The following CACNG8 variants were observed in gnomAD, a reference collection of about 807,000 sequenced individuals.
The protein encoded by CACNG8 is voltage-dependent calcium channel gamma-8 subunit.
Under a neutral mutation model 26.9 loss-of-function variants are expected in CACNG8, and 5 were observed. The observed-to-expected ratio is 0.19, with a 90% CI of 0.10 to 0.39. The LOEUF is 0.39. Ranked by LOEUF, CACNG8 falls within the 10% of genes least tolerant of loss-of-function variation. The pLI is 1.00. For missense variants in CACNG8, 473 were observed against 609.4 expected, an observed-to-expected ratio of 0.78 and a Z score of 2.36; for synonymous variants, 321 against 296.7, an observed-to-expected ratio of 1.08 and a Z score of -0.84.
intron 1 of CACNG8, among the ~76,000 whole-genome samples, chr19:53,968,477 G>A (rs1441192273): frequency 6.6e-6 from 1 of 151,686 alleles, no homozygotes; most frequent in Admixed American, 6.6e-5. Context: ...CTATTAAAAT[G>A]TGAGGGAGAT....
intron 1 of CACNG8, among the ~76,000 whole-genome samples, chr19:53,977,012 A>G (rs2069333842): frequency 6.6e-6 from 1 of 152,170 alleles, no homozygotes; most frequent in South Asian, 2.1e-4. Flanking sequence ...TGCCAGGCCT[A>G]CTGCCAAGAA....
At chr19:53,968,172 C>T (rs1192905970) in intron 1 of CACNG8, among the ~76,000 whole-genome samples, 1 of 151,864 alleles carries the variant, frequency 6.6e-6, no homozygotes, top group Admixed American at 6.6e-5. Flanking sequence ...CCCAGGAGTT[C>T]GAGACCAGCC....
At chr19:53,978,421 G>GC (rs1035550439) in intron 2 of CACNG8, among the ~76,000 whole-genome samples, 192 bp downstream of exon 2, 50 of 152,184 alleles carry the variant, frequency 3.3e-4, no homozygotes, top group Non-Finnish European at 6.3e-4. Context: ...TCTCGTTCCC[G>GC]CCCCCTCCTC....
In CACNG8 at chr19:53,982,539, CG is replaced by C; in HGVS notation, c.973del (p.Ala325ProfsTer135). 1 of 1,230,192 alleles carries C rather than the reference CG, an allele frequency of 8.1e-7. No homozygotes were observed. The highest frequency in any genetic ancestry group is 3.6e-5 in the South Asian group (1 of 28,014). 76.2% of individuals were successfully genotyped at this position (1,230,192 alleles called of 1,614,324 possible). A position where few individuals can be genotyped will look rare whatever the true frequency, so the allele number is the denominator to read the frequency against. On this transcript the variant is annotated frameshift_variant, in exon 4 of 4. Coordinates refer to ENST00000270458, the MANE Select transcript of CACNG8 (RefSeq NM_031895.6). LOFTEE classifies it high-confidence loss of function. The surrounding 1 kb of genome is among the most constrained non-coding windows in gnomAD (Gnocchi z 8.4). The stretch of plus-strand genomic sequence containing the variant: ...AAGGGCAGCGTGGCCGCGGGGCTGG[CG>C]GGGGCCGGCGGCGGCGGCGGCGGCG...
intron 1 of CACNG8, among the ~76,000 whole-genome samples, chr19:53,976,101 T>C (rs1385505851): frequency 6.6e-6 from 1 of 152,196 alleles, no homozygotes; most frequent in Non-Finnish European, 1.5e-5. Context: ...TCCCAGCACT[T>C]TTGGAGGCTG....
chr19:53,972,935 T>C (rs1165225655), intron 1 of CACNG8, among the ~76,000 whole-genome samples: 1 of 152,060 alleles, frequency 6.6e-6, no homozygotes. Flanking sequence ...TCACCCCCAA[T>C]AGGGCTTTGG....
rs558182841 is a variant in CACNG8, at chr19:53,985,322, C to T, written c.*2473C>T. The T allele has an allele frequency of 2.2e-5, 1 of 45,636 alleles. No individual in the cohort carries two copies. Among genetic ancestry groups the T allele is most frequent in the South Asian group, 7.7e-4 (1 of 1,292 alleles). 2.8% of individuals were successfully genotyped at this position (45,636 alleles called of 1,614,324 possible). Reference sequence around the variant, plus strand: ...TGCCAGGGGCTCTGCGTGCCCTTCTCTTGACGGAAGGGTACAGATCAGAGC... The same window carrying T: ...TGCCAGGGGCTCTGCGTGCCCTTCTTTTGACGGAAGGGTACAGATCAGAGC... On this transcript the variant is annotated 3_prime_UTR_variant, in exon 4 of 4. Transcript: ENST00000270458.
At chr19:53,978,707 T>C (rs2069345182) in intron 2 of CACNG8, among the ~76,000 whole-genome samples, 1 of 136,186 alleles carries the variant, frequency 7.3e-6, no homozygotes, top group South Asian at 2.4e-4. Context: ...AATCGCAAAA[T>C]CTAGTTGCCT....
chr19:53,982,729 G>GCCGCCCGCC lies in CACNG8; in HGVS notation c.1167_1175dup (p.Pro391_Pro393dup), dbSNP rs985530472. The stretch of plus-strand genomic sequence containing the variant: ...GCGGCGTCACGGTCACGGTCACCGG[G>GCCGCCCGCC]CCGCCCGCCCCGCCCGCGCCCGCGC... On this transcript the variant is annotated inframe_insertion, in exon 4 of 4. Transcript: ENST00000270458. This position sits in a 1 kb window ranked among gnomAD's most constrained non-coding sequence, Gnocchi z 8.4. 1.7e-6 allele frequency: 2 copies of GCCGCCCGCC among 1,182,882 alleles called. No individual in the cohort carries two copies. The highest frequency in any genetic ancestry group is 8.0e-5 in the South Asian group (2 of 24,878). The allele number at this position is 1,182,882 out of a possible 1,614,324, so 73.3% of individuals were successfully genotyped here. A position where few individuals can be genotyped will look rare whatever the true frequency, so the allele number is the denominator to read the frequency against.
chr19:53,967,832 G>A (rs1220559626), intron 1 of CACNG8, among the ~76,000 whole-genome samples: 1 of 150,798 alleles, frequency 6.6e-6, no homozygotes, highest in East Asian at 1.9e-4. Flanking sequence ...GAGACTCTAA[G>A]AAAAAAAAAC....
At chr19:53,972,383 CAG>C (rs2069307995) in intron 1 of CACNG8, among the ~76,000 whole-genome samples, 1 of 97,486 alleles carries the variant, frequency 1.0e-5, no homozygotes, top group South Asian at 3.6e-4. Context: ...TTTTTTGAGA[CAG>C]AGTTTCACTC....
Position 53,963,045 on chromosome 19 carries a change from C to T in CACNG8, c.-98C>T, listed in dbSNP as rs1194877660. The T allele has an allele frequency of 1.8e-6, 1 of 549,474 alleles. No homozygotes were observed. The highest frequency in any genetic ancestry group is 2.7e-6 in the Non-Finnish European group (1 of 368,526). 34.0% of individuals were successfully genotyped at this position (549,474 alleles called of 1,614,324 possible). ...AGCCCCGCCGGCCCCGGGCCCCCCG[C>T]TTCTGCCTGCGCTGTGAACCCCCCC... On this transcript the variant is annotated 5_prime_UTR_variant, in exon 1 of 4. Coordinates refer to ENST00000270458, the MANE Select transcript of CACNG8 (RefSeq NM_031895.6).
chr19:53,980,087 C>CGA (rs2069356399), intron 3 of CACNG8, 80 bp downstream of exon 3: 1 of 1,102,222 alleles, frequency 9.1e-7, no homozygotes, highest in South Asian at 2.1e-5. Context: ...TGTGTGTGTG[C>CGA]GCGCGCGCGC....
intron 2 of CACNG8, among the ~76,000 whole-genome samples, chr19:53,979,624 G>C (rs1442521789): frequency 2.0e-5 from 3 of 152,078 alleles, no homozygotes; most frequent in Admixed American, 6.6e-5. Context: ...GAGAAAAATA[G>C]TCCGAAGAAA....
At chr19:53,963,545 G>C (rs1431038446) in intron 1 of CACNG8, 120 bp downstream of exon 1, 7 of 1,034,524 alleles carry the variant, frequency 6.8e-6, no homozygotes, top group Middle Eastern at 6.3e-4. Flanking sequence ...TCCTCTGCCA[G>C]AGGGGCTTCT....
chr19:53,963,070 C>A lies in CACNG8; in HGVS notation c.-73C>A, dbSNP rs563715340. 25 of 997,854 alleles carry A rather than the reference C, an allele frequency of 2.5e-5. No individual in the cohort carries two copies. The highest frequency in any genetic ancestry group is 7.2e-5 in the South Asian group (3 of 41,892). The allele number at this position is 997,854 out of a possible 1,614,324, so 61.8% of individuals were successfully genotyped here. ...CTTCTGCCTGCGCTGTGAACCCCCC[C>A]CCAGCCGCCGGCACGGCCCCGCCCC... is the stretch of plus-strand genomic sequence containing the variant. On this transcript the variant is annotated 5_prime_UTR_variant, in exon 1 of 4. Coordinates refer to ENST00000270458, the MANE Select transcript of CACNG8 (RefSeq NM_031895.6).
In CACNG8 at chr19:53,982,918, G is replaced by T; in HGVS notation, c.*69G>T. ...CGGGCGCGCGTGCATCGAGGCTGCC[G>T]GGGTCGGGGGCGCCCCCGCTTTCCC... is the stretch of plus-strand genomic sequence containing the variant. On this transcript the variant is annotated 3_prime_UTR_variant, in exon 4 of 4. Coordinates refer to ENST00000270458, the MANE Select transcript of CACNG8 (RefSeq NM_031895.6). This position sits in a 1 kb window ranked among gnomAD's most constrained non-coding sequence, Gnocchi z 8.4. 9.2e-7 allele frequency: 1 copy of T among 1,085,106 alleles called. No individual in the cohort carries two copies. The allele number at this position is 1,085,106 out of a possible 1,614,324, so 67.2% of individuals were successfully genotyped here. A position where few individuals can be genotyped will look rare whatever the true frequency, so the allele number is the denominator to read the frequency against.
rs1293329051 is a variant in CACNG8, at chr19:53,984,557, G to A, written c.*1708G>A. On this transcript the variant is annotated 3_prime_UTR_variant, in exon 4 of 4. Transcript: ENST00000270458. Reference sequence around the variant, plus strand: ...GGTGAAAACGGGAGGAAGTGAACGAGCATGATGTATTGGGGTCAGTGCTAA... The same window carrying A: ...GGTGAAAACGGGAGGAAGTGAACGAACATGATGTATTGGGGTCAGTGCTAA... The A allele has an allele frequency of 6.6e-6, 1 of 152,388 alleles. No homozygotes were observed. Among genetic ancestry groups the A allele is most frequent in the African/African-American group, 2.4e-5 (1 of 41,444 alleles). 9.4% of individuals were successfully genotyped at this position (152,388 alleles called of 1,614,324 possible). A position where few individuals can be genotyped will look rare whatever the true frequency, so the allele number is the denominator to read the frequency against.
chr19:53,968,242 G>T (rs994716199), intron 1 of CACNG8, among the ~76,000 whole-genome samples: 1 of 151,928 alleles, frequency 6.6e-6, no homozygotes, highest in African/African-American at 2.4e-5. Context: ...GGAAGTGCTG[G>T]TGCGTGCCTG....
Sources: allele counts gnomAD v4.1 joint callset (sites outside exome capture counted in the v4.1 genomes callset), GRCh38; gene constraint gnomAD v4.1.1; non-coding constraint Gnocchi (gnomAD v3.1); transcripts MANE v1.5; gene names NCBI Gene and HGNC (gene_info 2026-07-23, HGNC 2026-07-21).